Variants in ADAMTS4 observed in about 807,000 individuals in gnomAD.
ADAMTS4 encodes the protein ADAM metallopeptidase with thrombospondin type 1 motif 4.
In ADAMTS4, 38 loss-of-function variants were observed where a neutral mutation model predicts 66.7. That is an observed-to-expected ratio of 0.57 (90% CI 0.44 to 0.75). The LOEUF is 0.75. Among genes scored for constraint, ADAMTS4 ranks in the 30% least tolerant of loss-of-function variants. The pLI, the probability that ADAMTS4 is intolerant of heterozygous loss-of-function variation, is 0.00. For missense variants in ADAMTS4, 1,014 were observed against 1,116.7 expected (o/e 0.91, Z 1.31); for synonymous variants, 418 against 461.5 (o/e 0.91, Z 1.21).
intron 1 of ADAMTS4, chr1:161,197,343 G>C (rs545862332): frequency 6.0e-6 from 1 of 165,656 alleles, no homozygotes; most frequent in African/African-American, 2.4e-5. Context: ...TGGAGGGAGC[G>C]TCTGGTCTGG....
In ADAMTS4 at chr1:161,189,587, A is replaced by C. The variant is rs970882342; in HGVS notation, c.*1551T>G. The stretch of plus-strand genomic sequence containing the variant: ...CTCTGTTGGTCCCTCAGAACCCAGG[A>C]TAGGGGTCTGCCAACCAAAGGAACG... On this transcript the variant is annotated 3_prime_UTR_variant, in exon 9 of 9. Coordinates refer to ENST00000367996, the MANE Select transcript of ADAMTS4 (RefSeq NM_005099.6). 6.6e-6 allele frequency: 1 copy of C among 152,192 alleles called. No homozygotes were observed. Among genetic ancestry groups the C allele is most frequent in the Non-Finnish European group, 1.5e-5 (1 of 68,032 alleles). 9.4% of individuals were successfully genotyped at this position (152,192 alleles called of 1,614,324 possible).
chr1:161,195,877 T>C (rs1382928986), intron 3 of ADAMTS4: 3 of 547,170 alleles, frequency 5.5e-6, no homozygotes, highest in Non-Finnish European at 9.4e-6. Context: ...ATAGCCAACA[T>C]TCCCAACTGT....
At position 161,196,153 on chromosome 1, in the gene ADAMTS4, C is replaced by T; in HGVS notation, c.1090+18G>A. On this transcript the variant is annotated intron_variant, in intron 3 of 8. Transcript: ENST00000367996. ...ACCTTCTCCTCCCTAATACCTTTCTCATCCACCCCTACTTTACCCAGTTCA... is the reference window on the plus strand; with the variant it reads ...ACCTTCTCCTCCCTAATACCTTTCTTATCCACCCCTACTTTACCCAGTTCA... 1 of 1,573,098 alleles carries T rather than the reference C, an allele frequency of 6.4e-7. No homozygotes were observed. Among genetic ancestry groups the T allele is most frequent in the Non-Finnish European group, 8.6e-7 (1 of 1,157,880 alleles).
At chr1:161,191,927 C>T (rs1452881503) in intron 8 of ADAMTS4, 138 bp downstream of exon 8, 33 of 1,081,820 alleles carry the variant, frequency 3.1e-5, no homozygotes, top group Middle Eastern at 3.0e-4. Context: ...CATGGGAAAC[C>T]GCACTGTAGC....
chr1:161,190,796 C>T lies in ADAMTS4; in HGVS notation c.*342G>A, dbSNP rs955387804. The T allele has an allele frequency of 3.7e-5, 8 of 218,852 alleles. No homozygotes were observed. The highest frequency in any genetic ancestry group is 1.8e-4 in the African/African-American group (8 of 44,132). 13.6% of individuals were successfully genotyped at this position (218,852 alleles called of 1,614,324 possible). A position where few individuals can be genotyped will look rare whatever the true frequency, so the allele number is the denominator to read the frequency against. Reference sequence around the variant, plus strand: ...TCCCCAGGACCCTAGTCCTTGTCCCCTTCCCTGGTGCTAAATAAAAGTGAA... The same window carrying T: ...TCCCCAGGACCCTAGTCCTTGTCCCTTTCCCTGGTGCTAAATAAAAGTGAA... On this transcript the variant is annotated 3_prime_UTR_variant, in exon 9 of 9. Coordinates refer to ENST00000367996, the MANE Select transcript of ADAMTS4 (RefSeq NM_005099.6).
intron 1 of ADAMTS4, 61 bp downstream of exon 1, chr1:161,197,934 G>A: frequency 2.0e-6 from 3 of 1,511,394 alleles, no homozygotes; most frequent in African/African-American, 1.4e-5. Flanking sequence ...GGGTGAATAG[G>A]GGTCAGTAGG....
chr1:161,197,428 G>A lies in ADAMTS4; in HGVS notation c.634-548C>T, dbSNP rs189715297. Reference sequence around the variant, plus strand: ...CCAGGAGTGGGAGGGAGGAAAGGATGGAGCCTCAGGCAGCCTCGCAGTCCG... The same window carrying A: ...CCAGGAGTGGGAGGGAGGAAAGGATAGAGCCTCAGGCAGCCTCGCAGTCCG... On this transcript the variant is annotated intron_variant, in intron 1 of 8. Coordinates refer to ENST00000367996, the MANE Select transcript of ADAMTS4 (RefSeq NM_005099.6). 4.1e-3 allele frequency: 659 copies of A among 159,014 alleles called. 3 individuals are homozygous for A. The highest frequency in any genetic ancestry group is 6.6e-3 in the Non-Finnish European group (477 of 72,628). The allele number at this position is 159,014 out of a possible 1,614,324, so 9.9% of individuals were successfully genotyped here.
intron 1 of ADAMTS4, 23 bp downstream of exon 1, chr1:161,197,972 A>G: frequency 2.0e-6 from 3 of 1,537,898 alleles, no homozygotes; most frequent in Non-Finnish European, 2.6e-6. Flanking sequence ...ACACCGCAGG[A>G]CACAGACTCC....
Position 161,198,582 on chromosome 1 carries a change from A to G in ADAMTS4, c.46T>C (p.Trp16Arg). The change falls in exon 1 of 9, where the codon TGG (tryptophan) becomes CGG (arginine). Residue 16 changes from tryptophan (W) to arginine (R), a missense_variant. Physicochemically the swap from Trp to Arg is moderately radical, Grantham distance 101. Transcript: ENST00000367996. The surrounding 1 kb of genome is among the most constrained non-coding windows in gnomAD (Gnocchi z 4.7). ...SHPGRGLAGR[W>R]LWGAQPCLLL... ...AGGCAGGGTTGGGCTCCCCACAGCC[A>G]GCGCCCTGCCAAGCCCCTCCCGGGA... is the stretch of plus-strand genomic sequence containing the variant. 6.5e-7 allele frequency: 1 copy of G among 1,544,988 alleles called. No individual in the cohort carries two copies.
In ADAMTS4 at chr1:161,198,606, G is replaced by T; in HGVS notation, c.22C>A (p.Pro8Thr). Residue 8 changes from proline to threonine, a missense_variant, in exon 1 of 9, where the codon CCC becomes ACC. By Grantham distance (38) the Pro-to-Thr change is conservative. Coordinates refer to ENST00000367996, the MANE Select transcript of ADAMTS4 (RefSeq NM_005099.6). This position sits in a 1 kb window ranked among gnomAD's most constrained non-coding sequence, Gnocchi z 4.7. ...CAGCGCCCTGCCAAGCCCCTCCCGG[G>T]ATGCGAGCCTGTCTGGGACATGGCA... MSQTGSH[P>T]GRGLAGRWLW... The T allele has an allele frequency of 6.5e-7, 1 of 1,534,938 alleles. No homozygotes were observed. The highest frequency in any genetic ancestry group is 1.2e-5 in the South Asian group (1 of 80,014).
chr1:161,194,582 T>C lies in ADAMTS4; in HGVS notation c.1262-361A>G, dbSNP rs1019032217. Among the ~76,000 whole-genome samples, 1 of 151,990 alleles carries C rather than the reference T, an allele frequency of 6.6e-6. No individual in the cohort carries two copies. The highest frequency in any genetic ancestry group is 6.6e-5 in the Admixed American group (1 of 15,258). Reference sequence around the variant, plus strand: ...TTTGGAATTTTTTGTAGTGATAAGGTCTTGCTATGTTGTCCAGGCTAATCT... The same window carrying C: ...TTTGGAATTTTTTGTAGTGATAAGGCCTTGCTATGTTGTCCAGGCTAATCT... On this transcript the variant is annotated intron_variant, in intron 4 of 8. Coordinates refer to ENST00000367996, the MANE Select transcript of ADAMTS4 (RefSeq NM_005099.6). This position sits in a 1 kb window ranked among gnomAD's most constrained non-coding sequence, Gnocchi z 4.1.
chr1:161,191,415 G>A lies in ADAMTS4; in HGVS notation c.2237C>T (p.Pro746Leu). Residue 746 changes from proline to leucine, a missense_variant, in exon 9 of 9, where the codon CCC becomes CTC. Transcript: ENST00000367996. ...YALNGEYTLM[P>L]SPTDVVLPGA... is the part of the protein sequence containing the mutation. ...AGGCAGTACCACATCTGTGGGGGAG[G>A]GCATCAGCGTGTATTCACCATTGAG... 1.2e-6 allele frequency: 2 copies of A among 1,614,150 alleles called. No homozygotes were observed. Among genetic ancestry groups the A allele is most frequent in the East Asian group, 4.5e-5 (2 of 44,884 alleles).
At chr1:161,195,396 G>A (rs1002906767) in intron 4 of ADAMTS4, 69 bp downstream of exon 4, 74 of 1,496,122 alleles carry the variant, frequency 4.9e-5, no homozygotes, top group South Asian at 4.7e-4. Context: ...AGAATGCAGC[G>A]GAAGTGAGAG....
chr1:161,195,429 G>A, intron 4 of ADAMTS4, 36 bp downstream of exon 4: 6 of 1,566,260 alleles, frequency 3.8e-6, no homozygotes, highest in Non-Finnish European at 5.2e-6. Flanking sequence ...CAGGAATTGA[G>A]TGCTACCCAG....
chr1:161,195,773 G>A (rs2102015108), intron 3 of ADAMTS4, 138 bp from the exon 4 acceptor site: 1 of 781,674 alleles, frequency 1.3e-6, no homozygotes, highest in East Asian at 3.0e-5. Flanking sequence ...TTCCTTTATG[G>A]TACTCTCAGG....
chr1:161,195,842 G>T (rs1045645378), intron 3 of ADAMTS4: 45 of 578,026 alleles, frequency 7.8e-5, no homozygotes, highest in Non-Finnish European at 1.1e-4. Context: ...ATATACTCAG[G>T]GTCCCTCCCT....
chr1:161,198,562 G>A lies in ADAMTS4; in HGVS notation c.66C>T (p.Pro22=). ...GCGGCACAATGGGGAGCAGGAGGCA[G>A]GGTTGGGCTCCCCACAGCCAGCGCC... The part of the protein sequence containing the change: ...LAGRWLWGAQ[P]CLLLPIVPLS... The change falls in exon 1 of 9, where the codon CCC becomes CCT. Residue 22 remains proline (P), a synonymous_variant. Transcript: ENST00000367996. The surrounding 1 kb of genome is among the most constrained non-coding windows in gnomAD (Gnocchi z 4.7). The A allele has an allele frequency of 6.4e-7, 1 of 1,559,652 alleles. No individual in the cohort carries two copies. Among genetic ancestry groups the A allele is most frequent in the African/African-American group, 1.4e-5 (1 of 73,766 alleles).
chr1:161,198,583 G>A lies in ADAMTS4; in HGVS notation c.45C>T (p.Arg15=). 3 of 1,544,170 alleles carry A rather than the reference G, an allele frequency of 1.9e-6. No homozygotes were observed. The highest frequency in any genetic ancestry group is 1.7e-6 in the Non-Finnish European group (2 of 1,144,176). ...GSHPGRGLAG[R]WLWGAQPCLL... ...GGCAGGGTTGGGCTCCCCACAGCCAGCGCCCTGCCAAGCCCCTCCCGGGAT... is the reference window on the plus strand; with the variant it reads ...GGCAGGGTTGGGCTCCCCACAGCCAACGCCCTGCCAAGCCCCTCCCGGGAT... The change falls in exon 1 of 9, where the codon CGC becomes CGT. Residue 15 remains arginine (R), a synonymous_variant. Coordinates refer to ENST00000367996, the MANE Select transcript of ADAMTS4 (RefSeq NM_005099.6). The surrounding 1 kb of genome is among the most constrained non-coding windows in gnomAD (Gnocchi z 4.7).
At position 161,198,773 on chromosome 1, in the gene ADAMTS4, C is replaced by T. The variant is rs968294183; in HGVS notation, c.-146G>A. 1.1e-5 allele frequency: 8 copies of T among 721,818 alleles called. No homozygotes were observed. The highest frequency in any genetic ancestry group is 8.4e-5 in the East Asian group (3 of 35,648). 44.7% of individuals were successfully genotyped at this position (721,818 alleles called of 1,614,324 possible). A position where few individuals can be genotyped will look rare whatever the true frequency, so the allele number is the denominator to read the frequency against. On this transcript the variant is annotated 5_prime_UTR_variant, in exon 1 of 9. Coordinates refer to ENST00000367996, the MANE Select transcript of ADAMTS4 (RefSeq NM_005099.6). This position sits in a 1 kb window ranked among gnomAD's most constrained non-coding sequence, Gnocchi z 4.7. Reference sequence around the variant, plus strand: ...CAAAGTTTTCAGAAGGGCTGAGGACCGTTAAAGGAAATGGAGAAAACTTAG... The same window carrying T: ...CAAAGTTTTCAGAAGGGCTGAGGACTGTTAAAGGAAATGGAGAAAACTTAG...
Sources: gnomAD v4.1 joint callset for allele counts (sites outside exome capture counted in the v4.1 genomes callset) on GRCh38, gnomAD v4.1.1 for gene constraint, Gnocchi (gnomAD v3.1) non-coding constraint, MANE v1.5 for transcripts, NCBI Gene and HGNC (gene_info 2026-07-23, HGNC 2026-07-21) for gene names.